The following CTNNA3 variants were observed in gnomAD, a reference collection of about 807,000 sequenced individuals.
CTNNA3 encodes the protein catenin alpha 3, also known as catenin alpha-3.
A neutral mutation model predicts 95.7 loss-of-function variants in CTNNA3; 76 were observed. That is an observed-to-expected ratio of 0.79 (90% CI 0.66 to 0.96). The LOEUF (loss-of-function observed/expected upper bound fraction) is 0.96, where lower values mean the gene tolerates loss of function less well. CTNNA3 is among the 40% of genes least tolerant of loss of function. The pLI is 0.00. For synonymous variants in CTNNA3, 431 were observed against 374.4 expected (o/e 1.15, Z -1.74); for missense variants, 1,191 against 1,089.8 (o/e 1.09, Z -1.31).
At chr10:67,701,976 T>C (rs899400258) in intron 1 of CTNNA3, among the ~76,000 whole-genome samples, 7 of 152,244 alleles carry the variant, frequency 4.6e-5, no homozygotes, top group East Asian at 3.9e-4. Context: ...GGTTGCAATC[T>C]TAGTCTCTAA....
intron 1 of CTNNA3, among the ~76,000 whole-genome samples, chr10:67,672,740 T>C (rs1401598266): frequency 6.6e-5 from 10 of 152,104 alleles, no homozygotes; most frequent in Non-Finnish European, 1.3e-4. Context: ...GGTACCAGTA[T>C]CATGCTGTTT....
At chr10:67,200,104 T>A (rs1863574267) in intron 6 of CTNNA3, among the ~76,000 whole-genome samples, 1 of 152,192 alleles carries the variant, frequency 6.6e-6, no homozygotes, top group East Asian at 1.9e-4. Flanking sequence ...CATATCACAA[T>A]AGCGAACAGG....
rs140583733 is a variant in CTNNA3 at position 67,338,503 on chromosome 10, A to G, written c.580-118633T>C. 2.7e-4 allele frequency among the ~76,000 whole-genome samples: 41 copies of G among 152,280 alleles called. No individual in the cohort carries two copies. The East Asian group carries it at 6.8e-3, about 25-fold the overall frequency. On this transcript the variant is annotated intron_variant, in intron 5 of 17. Coordinates refer to ENST00000433211, the MANE Select transcript of CTNNA3 (RefSeq NM_013266.4). ...TGTGGAGGGGACAAACATCCACACC[A>G]TATCAGAGACCAATTCTTCTCTTTA...
chr10:66,886,527 TA>T (rs1845051194), intron 7 of CTNNA3, among the ~76,000 whole-genome samples: 3 of 152,196 alleles, frequency 2.0e-5, no homozygotes, highest in Admixed American at 1.3e-4. Flanking sequence ...CAAGGACTCA[TA>T]AAGTTCTGCT....
chr10:66,766,472 T>C, intron 8 of CTNNA3, 56 bp from the exon 9 acceptor site: 1 of 1,479,940 alleles, frequency 6.8e-7, no homozygotes, highest in Non-Finnish European at 9.2e-7. Flanking sequence ...TTCACTGTGT[T>C]TCCTTTTCTT....
chr10:66,247,883 G>A (rs2090400976), intron 13 of CTNNA3, among the ~76,000 whole-genome samples: 1 of 152,098 alleles, frequency 6.6e-6, no homozygotes, highest in African/African-American at 2.4e-5. Flanking sequence ...ACATTAATGA[G>A]CAATAAGAAA....
chr10:67,360,636 G>A (rs958373696), intron 5 of CTNNA3, among the ~76,000 whole-genome samples: 2 of 152,260 alleles, frequency 1.3e-5, no homozygotes, highest in African/African-American at 4.8e-5. Context: ...AGCAGCTTCT[G>A]CTTCTGGGGA....
Position 66,373,809 on chromosome 10 carries a change from T to C in CTNNA3, c.1732+5343A>G, listed in dbSNP as rs1043988966. Reference sequence around the variant, plus strand: ...TCTTTCAACAGACGTAGTTCAATGATGGTTCTTGTAAGTAATTGAATACAC... The same window carrying C: ...TCTTTCAACAGACGTAGTTCAATGACGGTTCTTGTAAGTAATTGAATACAC... On this transcript the variant is annotated intron_variant, in intron 12 of 17. Transcript: ENST00000433211. 1.1e-4 allele frequency among the ~76,000 whole-genome samples: 16 copies of C among 152,352 alleles called. 1 individual carries two copies. The highest frequency in any genetic ancestry group is 4.1e-4 in the South Asian group (2 of 4,832).
chr10:66,951,702 A>C (rs2132723570), intron 7 of CTNNA3, among the ~76,000 whole-genome samples: 1 of 152,212 alleles, frequency 6.6e-6, no homozygotes, highest in East Asian at 1.9e-4. Flanking sequence ...TTTTTTTCCC[A>C]AAAAGGAAAC....
At chr10:66,004,049 A>G (rs2078829533) in intron 15 of CTNNA3, among the ~76,000 whole-genome samples, 2 of 152,334 alleles carry the variant, frequency 1.3e-5, no homozygotes, top group African/African-American at 4.8e-5. Flanking sequence ...TCTCCAACAT[A>G]TAAGAATACA....
intron 17 of CTNNA3, among the ~76,000 whole-genome samples, chr10:65,920,841 T>C (rs1039926701): frequency 2.0e-5 from 3 of 151,960 alleles, no homozygotes; most frequent in African/African-American, 7.2e-5. Flanking sequence ...AAATAAATAA[T>C]AAAAATAAAA....
chr10:66,442,698 G>A (rs954601507), intron 11 of CTNNA3, among the ~76,000 whole-genome samples: 1 of 152,166 alleles, frequency 6.6e-6, no homozygotes, highest in Admixed American at 6.5e-5. Flanking sequence ...GGCCGAATAG[G>A]AACAGCTCCG....
intron 12 of CTNNA3, among the ~76,000 whole-genome samples, chr10:66,373,802 T>C (rs2092771938): frequency 6.6e-6 from 1 of 152,226 alleles, no homozygotes; most frequent in Admixed American, 6.5e-5. Flanking sequence ...CAGACGTAGT[T>C]CAATGATGGT....
At chr10:66,416,987 C>T (rs2093152029) in intron 11 of CTNNA3, among the ~76,000 whole-genome samples, 1 of 151,918 alleles carries the variant, frequency 6.6e-6, no homozygotes, top group Non-Finnish European at 1.5e-5. Flanking sequence ...AAAGAATATA[C>T]AAACCAACCA....
chr10:65,936,108 T>G (rs1392807400), intron 17 of CTNNA3, among the ~76,000 whole-genome samples: 4 of 152,176 alleles, frequency 2.6e-5, no homozygotes, highest in African/African-American at 9.6e-5. Flanking sequence ...CTAACTCCAG[T>G]TGTCTTGTAA....
At chr10:66,767,283 T>C (rs1839903981) in intron 8 of CTNNA3, among the ~76,000 whole-genome samples, 1 of 151,732 alleles carries the variant, frequency 6.6e-6, no homozygotes, top group Admixed American at 6.6e-5. Flanking sequence ...CCGTCTCTAC[T>C]AAAAATAAAA....
chr10:66,777,799 G>GCACACA (rs111611061), intron 7 of CTNNA3, among the ~76,000 whole-genome samples: 122 of 138,140 alleles, frequency 8.8e-4, no homozygotes, highest in South Asian at 3.4e-3. Flanking sequence ...ACACACACAT[G>GCACACA]CACACACACA....
At chr10:66,652,153 T>TA (rs1374482004) in intron 9 of CTNNA3, among the ~76,000 whole-genome samples, 1 of 99,028 alleles carries the variant, frequency 1.0e-5, no homozygotes, top group Non-Finnish European at 2.4e-5. Flanking sequence ...AAGGAAATAA[T>TA]AAAAATCAGA....
At chr10:66,983,337 C>G (rs990060995) in intron 7 of CTNNA3, among the ~76,000 whole-genome samples, 7 of 152,134 alleles carry the variant, frequency 4.6e-5, no homozygotes, top group Non-Finnish European at 1.5e-5. Context: ...GCCAACAAAT[C>G]TCTCCCTGGT....
Sources: gnomAD v4.1 joint callset for allele counts (sites outside exome capture counted in the v4.1 genomes callset) on GRCh38, gnomAD v4.1.1 for gene constraint, MANE v1.5 for transcripts, NCBI Gene and HGNC (gene_info 2026-07-23, HGNC 2026-07-21) for gene names.